DCBLD2: variants seen among roughly 807,000 people sequenced by gnomAD.
DCBLD2 encodes discoidin, CUB and LCCL domain containing 2, also known as discoidin, CUB and LCCL domain-containing protein 2.
Under a neutral mutation model 86.8 loss-of-function variants are expected in DCBLD2, and 54 were observed. The observed-to-expected ratio is 0.62, with a 90% CI of 0.50 to 0.78. The LOEUF (loss-of-function observed/expected upper bound fraction) is 0.78. DCBLD2 is among the 30% of genes least tolerant of loss of function. The pLI is 0.00. For missense variants in DCBLD2, 908 were observed against 954.2 expected, an observed-to-expected ratio of 0.95 and a Z score of 0.64; for synonymous variants, 354 against 341.3, an observed-to-expected ratio of 1.04 and a Z score of -0.41.
chr3:98,819,955 T>C (rs828614), intron 7 of DCBLD2, among the ~76,000 whole-genome samples: 54,935 of 152,140 alleles, frequency 0.36, 11,063 homozygotes, highest in East Asian at 0.71. Flanking sequence ...GCCTGGCACA[T>C]AAAGAGAAGG....
chr3:98,896,171 G>A (rs1451204936), intron 1 of DCBLD2, among the ~76,000 whole-genome samples: 2 of 152,216 alleles, frequency 1.3e-5, no homozygotes, highest in African/African-American at 4.8e-5. Context: ...TGTTTTAGTA[G>A]CCCTTGGAAA....
At chr3:98,841,769 A>G (rs1383723346) in intron 3 of DCBLD2, among the ~76,000 whole-genome samples, 1 of 152,084 alleles carries the variant, frequency 6.6e-6, no homozygotes, top group Admixed American at 6.5e-5. Context: ...ATTTATTCTA[A>G]CTCAAGAAAG....
At chr3:98,807,957 A>C (rs1941869005) in intron 13 of DCBLD2, 124 bp downstream of exon 13, 2 of 675,210 alleles carry the variant, frequency 3.0e-6, no homozygotes, top group Non-Finnish European at 4.4e-6. Context: ...AGAAGCATGA[A>C]ATTTTCATTT....
At chr3:98,874,917 T>G (rs1372249832) in intron 2 of DCBLD2, among the ~76,000 whole-genome samples, 1 of 152,124 alleles carries the variant, frequency 6.6e-6, no homozygotes, top group Non-Finnish European at 1.5e-5. Context: ...GAAAGTAAAC[T>G]GCTGTTTTTT....
chr3:98,871,927 T>C (rs1175074349), intron 2 of DCBLD2, among the ~76,000 whole-genome samples: 1 of 152,170 alleles, frequency 6.6e-6, no homozygotes, highest in Non-Finnish European at 1.5e-5. Context: ...TTGTTGTTGT[T>C]GTCATTGGGA....
chr3:98,801,428 C>T (rs556907775), intron 14 of DCBLD2, 172 bp downstream of exon 14: 1 of 472,590 alleles, frequency 2.1e-6, no homozygotes, highest in African/African-American at 2.0e-5. Flanking sequence ...TTAGGAATTA[C>T]AAGAGACTTT....
intron 4 of DCBLD2, among the ~76,000 whole-genome samples, 189 bp downstream of exon 4, chr3:98,825,126 G>C (rs1037317940): frequency 6.6e-6 from 1 of 151,930 alleles, no homozygotes; most frequent in Non-Finnish European, 1.5e-5. Context: ...TACAATAAAA[G>C]CAAAATGTAA....
intron 2 of DCBLD2, 114 bp from the exon 3 acceptor site, chr3:98,849,712 G>T: frequency 8.6e-7 from 1 of 1,161,960 alleles, no homozygotes; most frequent in Middle Eastern, 2.1e-4. Context: ...AAATTAGTAT[G>T]GAATAATGAC....
chr3:98,836,641 G>C (rs1284228981), intron 3 of DCBLD2, among the ~76,000 whole-genome samples: 1 of 134,822 alleles, frequency 7.4e-6, no homozygotes, highest in Non-Finnish European at 1.6e-5. Context: ...TGGCCGGGCA[G>C]AGGGGCTCCT....
At chr3:98,843,363 A>T (rs1942655087) in intron 3 of DCBLD2, among the ~76,000 whole-genome samples, 1 of 152,208 alleles carries the variant, frequency 6.6e-6, no homozygotes, top group African/African-American at 2.4e-5. Flanking sequence ...AACCCAATAT[A>T]AAAATAACAA....
At position 98,819,235 on chromosome 3, in the gene DCBLD2, GTAA is replaced by G; in HGVS notation, c.1051_1053del (p.Leu351del). Reference sequence around the variant, plus strand: ...TTCTTTTCCTTATTCAAATCTATTTGTAACCACTGGTATTCATCAGTGGCAAAA... The same window carrying G: ...TTCTTTTCCTTATTCAAATCTATTTGCCACTGGTATTCATCAGTGGCAAAA... On this transcript the variant is annotated inframe_deletion, in exon 8 of 16. Coordinates refer to ENST00000326840, the MANE Select transcript of DCBLD2 (RefSeq NM_080927.4). 1 of 1,596,010 alleles carries G rather than the reference GTAA, an allele frequency of 6.3e-7. No homozygotes were observed. The highest frequency in any genetic ancestry group is 2.2e-5 in the East Asian group (1 of 44,530).
chr3:98,815,890 A>AT (rs1249213492), intron 9 of DCBLD2: 1 of 151,996 alleles, frequency 6.6e-6, no homozygotes, highest in African/African-American at 2.4e-5. Context: ...AGAACGGAGC[A>AT]TTGGTGAATG....
chr3:98,852,674 ATT>A (rs1395532596), intron 2 of DCBLD2, among the ~76,000 whole-genome samples: 5 of 152,212 alleles, frequency 3.3e-5, no homozygotes, highest in African/African-American at 1.2e-4. Context: ...TTAAAAGCAC[ATT>A]GTTTTCTCAG....
At chr3:98,809,721 G>A (rs1181562109) in intron 12 of DCBLD2, among the ~76,000 whole-genome samples, 1 of 152,176 alleles carries the variant, frequency 6.6e-6, no homozygotes, top group Non-Finnish European at 1.5e-5. Context: ...CAGCCAGCTG[G>A]TGCCACGGGC....
chr3:98,860,182 T>G (rs934656430), intron 2 of DCBLD2, among the ~76,000 whole-genome samples: 1 of 152,138 alleles, frequency 6.6e-6, no homozygotes, highest in South Asian at 2.1e-4. Context: ...GAAAAAAGAC[T>G]AAAAAGAAAT....
At chr3:98,826,884 C>A (rs1217626445) in intron 3 of DCBLD2, among the ~76,000 whole-genome samples, 1 of 152,080 alleles carries the variant, frequency 6.6e-6, no homozygotes, top group East Asian at 1.9e-4. Flanking sequence ...AGCCAATATA[C>A]CCTTGATGGA....
At chr3:98,873,247 GAGAA>G (rs1374096039) in intron 2 of DCBLD2, among the ~76,000 whole-genome samples, 1 of 152,028 alleles carries the variant, frequency 6.6e-6, no homozygotes, top group Non-Finnish European at 1.5e-5. Flanking sequence ...AGCAAAGAAA[GAGAA>G]AGAACCACAC....
chr3:98,838,697 G>A (rs189502189), intron 3 of DCBLD2, among the ~76,000 whole-genome samples: 3,003 of 152,196 alleles, frequency 0.02, 97 homozygotes, highest in African/African-American at 0.068. Flanking sequence ...AAGGCAGGCG[G>A]CTGGGAGGTG....
At chr3:98,855,366 G>A (rs1198304387) in intron 2 of DCBLD2, among the ~76,000 whole-genome samples, 1 of 152,148 alleles carries the variant, frequency 6.6e-6, no homozygotes, top group African/African-American at 2.4e-5. Flanking sequence ...ATACACTGGT[G>A]GTGGGTATAA....
Sources: allele counts gnomAD v4.1 joint callset (sites outside exome capture counted in the v4.1 genomes callset), GRCh38; gene constraint gnomAD v4.1.1; transcripts MANE v1.5; gene names NCBI Gene and HGNC (gene_info 2026-07-23, HGNC 2026-07-21).